TWSG1: variants seen among roughly 807,000 people sequenced by gnomAD.
TWSG1 encodes the protein twisted gastrulation protein homolog 1.
A neutral mutation model predicts 23.0 loss-of-function variants in TWSG1; 15 were observed. The observed-to-expected ratio is 0.65, with a 90% confidence interval of 0.44 to 1.00. TWSG1 has a LOEUF of 1.00. TWSG1 is among the 50% of genes least tolerant of loss of function. The probability of loss-of-function intolerance (pLI) is 0.00; values close to 1 mark genes in which losing one functional copy is unlikely to be tolerated. For synonymous variants in TWSG1, 86 were observed against 92.8 expected, an observed-to-expected ratio of 0.93 and a Z score of 0.42; for missense variants, 242 against 278.7, an observed-to-expected ratio of 0.87 and a Z score of 0.94.
At chr18:9,340,386 A>G (rs529913498) in intron 2 of TWSG1, among the ~76,000 whole-genome samples, 17 of 151,516 alleles carry the variant, frequency 1.1e-4, no homozygotes, top group East Asian at 1.9e-4. Context: ...AAAAAAAAAA[A>G]AAAAGAAAAG....
chr18:9,372,521 G>C (rs2040610698), intron 3 of TWSG1, among the ~76,000 whole-genome samples: 1 of 147,706 alleles, frequency 6.8e-6, no homozygotes, highest in Non-Finnish European at 1.5e-5. Flanking sequence ...ACTACTGTAT[G>C]TATATATATT....
Position 9,337,214 on chromosome 18 carries a change from T to C in TWSG1, c.-16T>C, listed in dbSNP as rs1568029641. 3 of 1,608,766 alleles carry C rather than the reference T, an allele frequency of 1.9e-6. No individual in the cohort carries two copies. Among genetic ancestry groups the C allele is most frequent in the South Asian group, 1.1e-5 (1 of 91,072 alleles). On this transcript the variant is annotated 5_prime_UTR_variant, in exon 2 of 5. Transcript: ENST00000262120. Reference sequence around the variant, plus strand: ...TTAGTTTCCTGGGAGTTACTGATCATCTTCTTTGAAGAAACATGAAGTTAC... The same window carrying C: ...TTAGTTTCCTGGGAGTTACTGATCACCTTCTTTGAAGAAACATGAAGTTAC...
intron 3 of TWSG1, among the ~76,000 whole-genome samples, chr18:9,371,894 T>C (rs2145617645): frequency 6.6e-6 from 1 of 150,786 alleles, no homozygotes; most frequent in East Asian, 2.0e-4. Context: ...GCCTCCTGAG[T>C]AGCTGGGACT....
In TWSG1 at chr18:9,396,524, C is replaced by T. The variant is rs767461034; in HGVS notation, c.468C>T (p.His156=). The change falls in exon 4 of 5, where the codon CAC becomes CAT. Residue 156 remains histidine, a synonymous_variant. Coordinates refer to ENST00000262120, the MANE Select transcript of TWSG1 (RefSeq NM_020648.6). ...QNVSVPSNNV[H]APYSSDKEHM... ...TGTCTGTCCCCAGCAATAATGTTCA[C>T]GCGCCTTATTCCAGTGACAAAGGTA... The T allele has an allele frequency of 3.3e-5, 54 of 1,612,818 alleles. No homozygotes were observed. The highest frequency in any genetic ancestry group is 4.5e-5 in the East Asian group (2 of 44,900).
At position 9,399,676 on chromosome 18, in the gene TWSG1, C is replaced by G. The variant is rs1470563368; in HGVS notation, c.*149C>G. ...AGTTTCTTTTAAAAATATGACATAG[C>G]CAGTGATGTGTTTAATTATATAACT... On this transcript the variant is annotated 3_prime_UTR_variant, in exon 5 of 5. Transcript: ENST00000262120. 6 of 667,028 alleles carry G rather than the reference C, an allele frequency of 9.0e-6. No individual in the cohort carries two copies. The highest frequency in any genetic ancestry group is 1.5e-5 in the Non-Finnish European group (6 of 412,192). 41.3% of individuals were successfully genotyped at this position (667,028 alleles called of 1,614,324 possible). A position where few individuals can be genotyped will look rare whatever the true frequency, so the allele number is the denominator to read the frequency against.
intron 3 of TWSG1, among the ~76,000 whole-genome samples, chr18:9,381,938 C>T (rs2048146): frequency 0.35 from 53,008 of 151,866 alleles, 9,414 homozygotes; most frequent in South Asian, 0.39. Context: ...CTTATCCGCA[C>T]GTTTTAAGTA....
chr18:9,359,791 A>C (rs1179744788), intron 2 of TWSG1, among the ~76,000 whole-genome samples, 181 bp from the exon 3 acceptor site: 1 of 152,250 alleles, frequency 6.6e-6, no homozygotes, highest in African/African-American at 2.4e-5. Context: ...TATATCCAAA[A>C]AAAATCTACG....
intron 4 of TWSG1, 136 bp downstream of exon 4, chr18:9,396,682 A>C (rs2040738274): frequency 9.1e-7 from 1 of 1,101,768 alleles, no homozygotes; most frequent in African/African-American, 1.6e-5. Flanking sequence ...TAAATTCTAG[A>C]CTCAATAACC....
intron 3 of TWSG1, among the ~76,000 whole-genome samples, chr18:9,380,988 A>G (rs894140502): frequency 1.3e-5 from 2 of 152,150 alleles, no homozygotes; most frequent in Non-Finnish European, 2.9e-5. Flanking sequence ...TGTAATCTGT[A>G]GTTTCAAAAT....
chr18:9,389,876 G>T (rs115694261), intron 3 of TWSG1, among the ~76,000 whole-genome samples: 2 of 152,142 alleles, frequency 1.3e-5, no homozygotes, highest in African/African-American at 2.4e-5. Flanking sequence ...GCAGTAAAGC[G>T]AAGGTCCCAA....
intron 1 of TWSG1, 68 bp from the exon 2 acceptor site, chr18:9,337,125 T>G: frequency 1.5e-6 from 2 of 1,329,624 alleles, no homozygotes; most frequent in South Asian, 1.3e-5. Context: ...TATGTTTTGT[T>G]TCTCATTTTT....
At chr18:9,363,088 C>A (rs2040560101) in intron 3 of TWSG1, among the ~76,000 whole-genome samples, 1 of 152,176 alleles carries the variant, frequency 6.6e-6, no homozygotes, top group South Asian at 2.1e-4. Flanking sequence ...GGGGCACAGA[C>A]CTCTGAGAGA....
chr18:9,363,113 G>A (rs879673154), intron 3 of TWSG1, among the ~76,000 whole-genome samples: 7 of 152,144 alleles, frequency 4.6e-5, no homozygotes, highest in African/African-American at 1.7e-4. Context: ...AAATTAGAGT[G>A]CAGCCTTCCT....
chr18:9,385,410 C>T lies in TWSG1; in HGVS notation c.224-10870C>T, dbSNP rs935764923. ...GTGTAGCTTAAAAGAAAGAACGGGC[C>T]GGGCGCGGTGGCTCACGCCTGTAAT... On this transcript the variant is annotated intron_variant, in intron 3 of 4. Coordinates refer to ENST00000262120, the MANE Select transcript of TWSG1 (RefSeq NM_020648.6). 5.3e-4 allele frequency among the ~76,000 whole-genome samples: 20 copies of T among 38,054 alleles called. 7 individuals are homozygous for T. Among genetic ancestry groups the T allele is most frequent in the Non-Finnish European group, 1.1e-4 (2 of 18,290 alleles). The allele number at this position is 38,054 out of a possible 152,430, so 25.0% of individuals were successfully genotyped here.
At chr18:9,387,777 A>C (rs1303352324) in intron 3 of TWSG1, among the ~76,000 whole-genome samples, 1 of 152,098 alleles carries the variant, frequency 6.6e-6, no homozygotes, top group Non-Finnish European at 1.5e-5. Context: ...TCTCAAAAAA[A>C]AAAAAAAAAA....
chr18:9,355,395 G>A (rs961680112), intron 2 of TWSG1, among the ~76,000 whole-genome samples: 1 of 152,074 alleles, frequency 6.6e-6, no homozygotes, highest in Non-Finnish European at 1.5e-5. Context: ...CAATACTTGA[G>A]TTCAAAGCAC....
Position 9,337,266 on chromosome 18 carries a change from A to G in TWSG1, c.37A>G (p.Ile13Val), listed in dbSNP as rs756533603. The G allele has an allele frequency of 6.2e-7, 1 of 1,613,366 alleles. No individual in the cohort carries two copies. Among genetic ancestry groups the G allele is most frequent in the Non-Finnish European group, 8.5e-7 (1 of 1,180,014 alleles). The change falls in exon 2 of 5, where the codon ATC becomes GTC. Residue 13 changes from isoleucine to valine, a missense_variant. Physicochemically the swap from Ile to Val is conservative, Grantham distance 29 (BLOSUM62 3). Coordinates refer to ENST00000262120, the MANE Select transcript of TWSG1 (RefSeq NM_020648.6). ...LHYVAVLTLA[I>V]LMFLTWLPES... ...CTATGTTGCTGTGCTTACTCTAGCC[A>G]TCCTGATGTTCCTGACATGGCTTCC...
rs1490330816 is a variant in TWSG1, at chr18:9,334,792, G to T, written c.-166G>T. On this transcript the variant is annotated 5_prime_UTR_variant, in exon 1 of 5. Coordinates refer to ENST00000262120, the MANE Select transcript of TWSG1 (RefSeq NM_020648.6). The surrounding 1 kb of genome is among the most constrained non-coding windows in gnomAD (Gnocchi z 4.7). ...CTCTTTAAGGTGCCCGAGGCTCGCG[G>T]GCGCTGCGCTGAGGGGACGGCGGGA... The T allele has an allele frequency of 6.6e-6, 1 of 152,316 alleles. No homozygotes were observed. The highest frequency in any genetic ancestry group is 1.9e-4 in the East Asian group (1 of 5,136). 9.4% of individuals were successfully genotyped at this position (152,316 alleles called of 1,614,324 possible). A position where few individuals can be genotyped will look rare whatever the true frequency, so the allele number is the denominator to read the frequency against.
intron 3 of TWSG1, among the ~76,000 whole-genome samples, chr18:9,367,243 A>G (rs1006664305): frequency 6.6e-6 from 1 of 152,142 alleles, no homozygotes; most frequent in Non-Finnish European, 1.5e-5. Context: ...GCAATTTTCA[A>G]GAATATAATA....
Sources: allele counts gnomAD v4.1 joint callset (sites outside exome capture counted in the v4.1 genomes callset), GRCh38; gene constraint gnomAD v4.1.1; non-coding constraint Gnocchi (gnomAD v3.1); transcripts MANE v1.5; gene names NCBI Gene and HGNC (gene_info 2026-07-23, HGNC 2026-07-21).